The following SLC14A2 variants were observed in gnomAD, a reference collection of about 807,000 sequenced individuals.
The protein encoded by SLC14A2 is urea transporter 2.
A neutral mutation model predicts 104.6 loss-of-function variants in SLC14A2; 91 were observed. The ratio of observed to expected loss-of-function variants is 0.87; its 90% CI spans 0.73 to 1.04. The LOEUF (loss-of-function observed/expected upper bound fraction) is 1.04. SLC14A2 is among the 50% of genes least tolerant of loss of function. The pLI is 0.00. For synonymous variants in SLC14A2, 476 were observed against 466.4 expected, an observed-to-expected ratio of 1.02 and a Z score of -0.27; for missense variants, 1,189 against 1,156.0, an observed-to-expected ratio of 1.03 and a Z score of -0.41.
chr18:45,267,965 T>G (rs1207657446), intron 1 of SLC14A2, among the ~76,000 whole-genome samples: 1 of 152,200 alleles, frequency 6.6e-6, no homozygotes, highest in Non-Finnish European at 1.5e-5. Context: ...TGTAAAAATT[T>G]TATTTTCTCA....
intron 2 of SLC14A2, among the ~76,000 whole-genome samples, chr18:45,495,855 G>A (rs754352972): frequency 1.2e-3 from 185 of 152,248 alleles, no homozygotes; most frequent in Middle Eastern, 6.8e-3. Context: ...AACACGGAAC[G>A]CCTATGTCAT....
chr18:45,351,161 C>G (rs958865097), intron 1 of SLC14A2, among the ~76,000 whole-genome samples: 1 of 152,140 alleles, frequency 6.6e-6, no homozygotes, highest in Non-Finnish European at 1.5e-5. Flanking sequence ...TTGCTGGAAA[C>G]ATAATCACCT....
chr18:45,552,472 AT>A (rs1306246631), intron 2 of SLC14A2, among the ~76,000 whole-genome samples: 1 of 146,856 alleles, frequency 6.8e-6, no homozygotes, highest in Non-Finnish European at 1.5e-5. Context: ...ACACTCATTC[AT>A]TTCACAAATA....
chr18:45,514,115 A>C lies in SLC14A2; in HGVS notation c.-35+30793A>C, dbSNP rs549318311. Among the ~76,000 whole-genome samples, 130 of 152,334 alleles carry C rather than the reference A, an allele frequency of 8.5e-4. 1 individual carries two copies. The highest frequency in any genetic ancestry group is 2.9e-3 in the African/African-American group (122 of 41,562). On this transcript the variant is annotated intron_variant, in intron 2 of 20. Coordinates refer to the SLC14A2 transcript ENST00000586448. ...AGGATGATATCATGGAAGTTGTATT[A>C]GGCCATTCTTACACTGCTATAAAGA... is the stretch of plus-strand genomic sequence containing the variant.
intron 1 of SLC14A2, among the ~76,000 whole-genome samples, chr18:45,269,189 A>G (rs913574321): frequency 5.9e-5 from 9 of 152,034 alleles, no homozygotes; most frequent in African/African-American, 2.2e-4. Flanking sequence ...CTCTTCACTC[A>G]AAAGCAGAGT....
intron 2 of SLC14A2, among the ~76,000 whole-genome samples, chr18:45,560,782 A>G (rs569454422): frequency 1.3e-5 from 2 of 152,016 alleles, no homozygotes; most frequent in South Asian, 4.2e-4. Flanking sequence ...CACCTCTTTC[A>G]TGTCCTGGGG....
chr18:45,298,833 C>T (rs2084940897), intron 1 of SLC14A2, among the ~76,000 whole-genome samples: 1 of 152,152 alleles, frequency 6.6e-6, no homozygotes, highest in Admixed American at 6.5e-5. Context: ...CCCCAAAGAC[C>T]TGGTTTTATT....
At chr18:45,468,891 C>G (rs995408533) in intron 1 of SLC14A2, among the ~76,000 whole-genome samples, 1 of 152,222 alleles carries the variant, frequency 6.6e-6, no homozygotes, top group African/African-American at 2.4e-5. Flanking sequence ...AAGCACAAGA[C>G]ATAATCCCTG....
At chr18:45,346,270 C>T (rs2085446974) in intron 1 of SLC14A2, among the ~76,000 whole-genome samples, 1 of 152,218 alleles carries the variant, frequency 6.6e-6, no homozygotes, top group Non-Finnish European at 1.5e-5. Context: ...ATTCTCCCAC[C>T]TCAGCCTCCT....
At chr18:45,675,981 C>T (rs1046563464) in intron 18 of SLC14A2, among the ~76,000 whole-genome samples, 11 of 152,000 alleles carry the variant, frequency 7.2e-5, no homozygotes, top group African/African-American at 2.7e-4. Flanking sequence ...TTAAATGTCA[C>T]TGTGAATATT....
At chr18:45,424,409 C>T (rs1449485334) in intron 1 of SLC14A2, among the ~76,000 whole-genome samples, 1 of 152,112 alleles carries the variant, frequency 6.6e-6, no homozygotes, top group African/African-American at 2.4e-5. Flanking sequence ...TTGCAAAGAA[C>T]ATGGAAGGGG....
intron 1 of SLC14A2, among the ~76,000 whole-genome samples, chr18:45,467,264 G>A (rs2087160953): frequency 6.6e-6 from 1 of 152,222 alleles, no homozygotes; most frequent in Non-Finnish European, 1.5e-5. Flanking sequence ...TTAAAACCCA[G>A]GGGTGGGAGC....
At chr18:45,350,977 G>T (rs991543360) in intron 1 of SLC14A2, among the ~76,000 whole-genome samples, 1 of 152,068 alleles carries the variant, frequency 6.6e-6, no homozygotes, top group Admixed American at 6.6e-5. Context: ...TGGGACTGGG[G>T]CAGAGGATAC....
intron 1 of SLC14A2, among the ~76,000 whole-genome samples, chr18:45,277,472 G>A (rs1269242700): frequency 2.6e-5 from 4 of 151,960 alleles, no homozygotes; most frequent in African/African-American, 9.7e-5. Context: ...GCAGTGGTGC[G>A]ATCATAGCTC....
the SLC14A2 span, among the ~76,000 whole-genome samples, chr18:45,191,037 C>T: frequency 6.6e-6 from 1 of 152,132 alleles, no homozygotes; most frequent in East Asian, 1.9e-4. Context: ...ACCTATAGCT[C>T]AATGGGGAGA....
intron 1 of SLC14A2, among the ~76,000 whole-genome samples, chr18:45,343,025 T>C (rs1338029755): frequency 2.6e-5 from 4 of 152,120 alleles, no homozygotes; most frequent in African/African-American, 9.7e-5. Flanking sequence ...CCCTGATGAG[T>C]TGCCAAGACT....
At chr18:45,438,739 T>C (rs1253586286) in intron 1 of SLC14A2, among the ~76,000 whole-genome samples, 1 of 152,186 alleles carries the variant, frequency 6.6e-6, no homozygotes, top group Non-Finnish European at 1.5e-5. Context: ...TAAAGCCTTA[T>C]CTATATCTAT....
rs183422751 is a variant in SLC14A2, at chr18:45,373,131, A to T, written c.-124-110102A>T. ...GAAACCCAACTAGACCAGCTCCTCC[A>T]TAAGAACAGGGTTTATTGCTATGTA... On this transcript the variant is annotated intron_variant, in intron 1 of 20. Transcript: ENST00000586448. Among the ~76,000 whole-genome samples, 379 of 152,312 alleles carry T rather than the reference A, an allele frequency of 2.5e-3. 1 individual carries two copies. Among genetic ancestry groups the T allele is most frequent in the African/African-American group, 8.7e-3 (363 of 41,580 alleles).
intron 18 of SLC14A2, among the ~76,000 whole-genome samples, chr18:45,674,802 C>T (rs373395211): frequency 1.3e-5 from 2 of 152,176 alleles, no homozygotes; most frequent in African/African-American, 4.8e-5. Flanking sequence ...ACAAGGGAGA[C>T]ACGTGGGATG....
Sources: gnomAD v4.1 joint callset for allele counts (sites outside exome capture counted in the v4.1 genomes callset) on GRCh38, gnomAD v4.1.1 for gene constraint, MANE v1.5 for transcripts, NCBI Gene and HGNC (gene_info 2026-07-23, HGNC 2026-07-21) for gene names.